The following PATJ variants were observed in gnomAD, a reference collection of about 807,000 sequenced individuals.
The protein encoded by PATJ is PATJ crumbs cell polarity complex component.
PATJ carries 190 observed loss-of-function variants against 224.9 expected under a neutral mutation model. The observed-to-expected ratio is 0.84, with a 90% confidence interval of 0.75 to 0.95. PATJ has a LOEUF of 0.95. Ranked by LOEUF, PATJ falls within the 40% of genes least tolerant of loss-of-function variation. The pLI is 0.00. For missense variants in PATJ, 2,121 were observed against 2,270.3 expected, an observed-to-expected ratio of 0.93 and a Z score of 1.34; for synonymous variants, 769 against 820.3, an observed-to-expected ratio of 0.94 and a Z score of 1.07.
chr1:61,984,326 A>G (rs972931950), intron 27 of PATJ, among the ~76,000 whole-genome samples: 4 of 151,100 alleles, frequency 2.6e-5, no homozygotes, highest in Non-Finnish European at 5.9e-5. Flanking sequence ...ATGCCATCTA[A>G]TTTTTGTATT....
At chr1:61,886,402 C>A (rs1268555581) in intron 22 of PATJ, among the ~76,000 whole-genome samples, 1 of 152,106 alleles carries the variant, frequency 6.6e-6, no homozygotes, top group African/African-American at 2.4e-5. Context: ...CGGGGCTTGG[C>A]CACATGGATG....
At chr1:61,763,234 A>G (rs905481091) in intron 3 of PATJ, 55 bp downstream of exon 3, 6 of 1,070,010 alleles carry the variant, frequency 5.6e-6, no homozygotes, top group Admixed American at 3.2e-5. Context: ...TATTCAAACC[A>G]TCAAAGAAAG....
intron 32 of PATJ, among the ~76,000 whole-genome samples, chr1:62,082,341 G>A (rs1420458576): frequency 6.6e-6 from 1 of 152,176 alleles, no homozygotes; most frequent in Non-Finnish European, 1.5e-5. Context: ...TGTTCATTTA[G>A]TTTCTCTAAC....
At chr1:61,918,425 A>C (rs1673780017) in intron 26 of PATJ, among the ~76,000 whole-genome samples, 1 of 149,944 alleles carries the variant, frequency 6.7e-6, no homozygotes, top group Admixed American at 6.7e-5. Flanking sequence ...CTCATGCCTC[A>C]GCCTCCCGAG....
In PATJ at chr1:61,797,377, C is replaced by A. The variant is rs117405402; in HGVS notation, c.1351C>A (p.Arg451=). The A allele has an allele frequency of 3.2e-4, 509 of 1,613,696 alleles. No homozygotes were observed. The highest frequency in any genetic ancestry group is 4.2e-4 in the Non-Finnish European group (491 of 1,179,796). The change falls in exon 11 of 44, where the codon CGA becomes AGA. Residue 451 remains arginine (R), a synonymous_variant. Transcript: ENST00000642238. ...AGQVVHLTLV[R]RKTSSSTSPL... ...GCAGGTGGTACACCTAACCCTAGTTCGAAGGAAGACATCCTCATCTACTTC... is the reference window on the plus strand; with the variant it reads ...GCAGGTGGTACACCTAACCCTAGTTAGAAGGAAGACATCCTCATCTACTTC...
intron 43 of PATJ, among the ~76,000 whole-genome samples, 183 bp downstream of exon 43, chr1:62,153,664 G>A (rs532849059): frequency 7.9e-5 from 12 of 152,010 alleles, no homozygotes; most frequent in Admixed American, 2.0e-4. Flanking sequence ...TTACAATGGC[G>A]GAGTCACAAG....
chr1:61,808,606 G>C, intron 14 of PATJ, 76 bp downstream of exon 14: 1 of 904,358 alleles, frequency 1.1e-6, no homozygotes, highest in South Asian at 1.5e-5. Context: ...GTCCAGGTTG[G>C]TCTCAAACTC....
At chr1:62,029,798 G>A (rs1209171842) in intron 29 of PATJ, among the ~76,000 whole-genome samples, 1 of 152,200 alleles carries the variant, frequency 6.6e-6, no homozygotes, top group Non-Finnish European at 1.5e-5. Flanking sequence ...AATGGCATCA[G>A]CAAATTCATG....
intron 43 of PATJ, among the ~76,000 whole-genome samples, chr1:62,158,442 G>A (rs111257332): frequency 0.022 from 3,205 of 148,628 alleles, 155 homozygotes; most frequent in African/African-American, 0.063. Context: ...AGACCAGGCC[G>A]GTCACGGTGG....
intron 14 of PATJ, 23 bp from the exon 15 acceptor site, chr1:61,822,922 C>T (rs770883547): frequency 1.2e-6 from 2 of 1,613,274 alleles, no homozygotes; most frequent in Admixed American, 1.7e-5. Flanking sequence ...CATGTTTGAT[C>T]ATTGCTTTGT....
intron 20 of PATJ, among the ~76,000 whole-genome samples, chr1:61,869,964 G>T (rs575108715): frequency 6.6e-6 from 1 of 152,210 alleles, no homozygotes; most frequent in Non-Finnish European, 1.5e-5. Context: ...CCCAGTGGGC[G>T]TGTTACGGTG....
chr1:61,964,437 A>G (rs2149438138), intron 27 of PATJ, among the ~76,000 whole-genome samples: 1 of 152,262 alleles, frequency 6.6e-6, no homozygotes, highest in African/African-American at 2.4e-5. Context: ...TAGCCAGTTA[A>G]CTATATATAT....
At chr1:61,973,526 C>G (rs1683251973) in intron 27 of PATJ, among the ~76,000 whole-genome samples, 1 of 151,946 alleles carries the variant, frequency 6.6e-6, no homozygotes. Context: ...CATTATTTTT[C>G]CTTCTAGGAA....
rs1046833458 is a variant in PATJ at position 61,826,726 on chromosome 1, A to G, written c.1819-696A>G. 2.6e-5 allele frequency among the ~76,000 whole-genome samples: 4 copies of G among 152,234 alleles called. 1 individual carries two copies. The East Asian group carries it at 5.8e-4, about 22-fold the overall frequency. ...TACTTTTTTCTTTTAAACATATGAG[A>G]CACTTGCATAAAATTATTTTAAAAA... On this transcript the variant is annotated intron_variant, in intron 15 of 43. Transcript: ENST00000642238.
chr1:61,803,017 G>T (rs1557672364), intron 12 of PATJ, among the ~76,000 whole-genome samples: 1 of 152,144 alleles, frequency 6.6e-6, no homozygotes, highest in Non-Finnish European at 1.5e-5. Flanking sequence ...GACTCAAGTA[G>T]ATTGCAGTTT....
At position 61,776,060 on chromosome 1, in the gene PATJ, G is replaced by A. The variant is rs114477392; in HGVS notation, c.849+726G>A. On this transcript the variant is annotated intron_variant, in intron 7 of 43. Coordinates refer to ENST00000642238, the MANE Select transcript of PATJ (RefSeq NM_001350145.3). ...AATTTATCCCTTTTGATAGACATAC[G>A]TAAGTAAAAATGAACTTGCCATGCA... Among the ~76,000 whole-genome samples the A allele has an allele frequency of 5.9e-3, 891 of 152,222 alleles. 10 individuals carry two copies. The highest frequency in any genetic ancestry group is 0.02 in the African/African-American group (834 of 41,530).
At chr1:62,062,756 C>T (rs1425222688) in intron 31 of PATJ, among the ~76,000 whole-genome samples, 1 of 152,060 alleles carries the variant, frequency 6.6e-6, no homozygotes, top group Non-Finnish European at 1.5e-5. Context: ...CTTGGCCTCC[C>T]AAAGTGCAGA....
intron 34 of PATJ, 124 bp from the exon 35 acceptor site, chr1:62,113,927 GTT>G: frequency 1.1e-6 from 1 of 879,782 alleles, no homozygotes; most frequent in Non-Finnish European, 1.8e-6. Flanking sequence ...GTCACTACCT[GTT>G]TGCCTTGAGA....
intron 27 of PATJ, among the ~76,000 whole-genome samples, chr1:61,956,784 A>G (rs532514471): frequency 2.6e-5 from 4 of 152,258 alleles, no homozygotes; most frequent in Non-Finnish European, 5.9e-5. Context: ...TTCAAATGAC[A>G]AGACATTGGA....
Sources: gnomAD v4.1 joint callset for allele counts (sites outside exome capture counted in the v4.1 genomes callset) on GRCh38, gnomAD v4.1.1 for gene constraint, MANE v1.5 for transcripts, NCBI Gene and HGNC (gene_info 2026-07-23, HGNC 2026-07-21) for gene names.